TRIM51: variants seen among roughly 807,000 people sequenced by gnomAD.
TRIM51 encodes the protein tripartite motif-containing protein 51.
TRIM51 carries 23 observed loss-of-function variants against 32.7 expected under a neutral mutation model. The ratio of observed to expected loss-of-function variants is 0.70; its 90% CI spans 0.51 to 1.00. The LOEUF (loss-of-function observed/expected upper bound fraction) is 1.00, where lower values mean the gene tolerates loss of function less well. Ranked by LOEUF, TRIM51 falls within the 50% of genes least tolerant of loss-of-function variation. TRIM51 has a pLI of 0.00. For synonymous variants in TRIM51, 177 were observed against 181.9 expected, an observed-to-expected ratio of 0.97 and a Z score of 0.22; for missense variants, 592 against 539.2, an observed-to-expected ratio of 1.10 and a Z score of -0.97.
At chr11:55,890,084 T>A (rs779926359) in intron 6 of TRIM51, 45 bp downstream of exon 6, 2 of 1,370,356 alleles carry the variant, frequency 1.5e-6, no homozygotes, top group Non-Finnish European at 2.1e-6. Context: ...CTATTACTTC[T>A]TGTTAGAATC....
intron 1 of TRIM51, among the ~76,000 whole-genome samples, chr11:55,883,866 AC>A (rs927585005): frequency 6.6e-6 from 1 of 152,052 alleles, no homozygotes; most frequent in African/African-American, 2.4e-5. Context: ...AAATCAAAAC[AC>A]GATTGTTTAG....
rs377428284 is a variant in TRIM51 at position 55,891,737 on chromosome 11, T to A, written c.*105T>A. ...AACAGAACAAATAAGTTATATTTAA[T>A]GTCTTTAGTTGCATTCTAATGTCAT... On this transcript the variant is annotated 3_prime_UTR_variant, in exon 7 of 7. Transcript: ENST00000449290. 22 of 1,267,756 alleles carry A rather than the reference T, an allele frequency of 1.7e-5. No homozygotes were observed. The highest frequency in any genetic ancestry group is 2.2e-5 in the Non-Finnish European group (20 of 911,072). The allele number at this position is 1,267,756 out of a possible 1,614,324, so 78.5% of individuals were successfully genotyped here.
intron 3 of TRIM51, 80 bp from the exon 4 acceptor site, chr11:55,887,952 G>T (rs1218594621): frequency 6.7e-6 from 7 of 1,039,926 alleles, no homozygotes; most frequent in South Asian, 1.3e-5. Context: ...AATATTGGGT[G>T]TTTAGAATGC....
Position 55,886,207 on chromosome 11 carries a change from A to G in TRIM51, c.496A>G (p.Arg166Gly). 1 of 1,613,422 alleles carries G rather than the reference A, an allele frequency of 6.2e-7. No homozygotes were observed. Among genetic ancestry groups the G allele is most frequent in the Non-Finnish European group, 8.5e-7 (1 of 1,179,454 alleles). The stretch of plus-strand genomic sequence containing the variant: ...TCTGAACATGGAAACCACAAGAACC[A>G]GATGCTGGAAGGTTAGTACCGTATG... ...RNLNMETTRT[R>G]CWKDYVSLRI... is the part of the protein sequence containing the mutation. The change falls in exon 3 of 7, where the codon AGA (arginine) becomes GGA (glycine). Residue 166 changes from arginine to glycine, a missense_variant. Physicochemically the swap from Arg to Gly is moderately radical, Grantham distance 125. Transcript: ENST00000449290.
chr11:55,886,090 T>C, intron 2 of TRIM51, 33 bp from the exon 3 acceptor site: 1 of 1,589,524 alleles, frequency 6.3e-7, no homozygotes, highest in Non-Finnish European at 8.6e-7. Flanking sequence ...TTTATTGTCC[T>C]CACTTGTGCT....
chr11:55,885,139 GT>G (rs1239694838), intron 1 of TRIM51, among the ~76,000 whole-genome samples: 9 of 152,064 alleles, frequency 5.9e-5, no homozygotes, highest in Non-Finnish European at 7.4e-5. Flanking sequence ...TAAAACCCGA[GT>G]TTCATGTCGA....
At chr11:55,883,636 T>A (rs946080354) in intron 1 of TRIM51, among the ~76,000 whole-genome samples, 3 of 152,172 alleles carry the variant, frequency 2.0e-5, no homozygotes, top group African/African-American at 7.2e-5. Flanking sequence ...GTATGCATCA[T>A]GGGTATATGG....
chr11:55,890,154 A>G (rs1321021069), intron 6 of TRIM51, 115 bp downstream of exon 6: 4 of 684,522 alleles, frequency 5.8e-6, no homozygotes, highest in Non-Finnish European at 1.0e-5. Context: ...GAAGTGAACC[A>G]TATGACTATG....
Position 55,885,383 on chromosome 11 carries a change from C to A in TRIM51, c.-4-42C>A, listed in dbSNP as rs529363729. On this transcript the variant is annotated intron_variant, in intron 1 of 6. Transcript: ENST00000449290. Reference sequence around the variant, plus strand: ...TCACCACATGTTCACGGATTTTCACCAACCCAGACCCCAAAATGACATGCT... The same window carrying A: ...TCACCACATGTTCACGGATTTTCACAAACCCAGACCCCAAAATGACATGCT... The A allele has an allele frequency of 1.6e-5, 25 of 1,609,128 alleles. No homozygotes were observed. The Admixed American group carries it at 2.3e-4, about 15-fold the overall frequency.
At chr11:55,887,246 G>A (rs1431334650) in intron 3 of TRIM51, among the ~76,000 whole-genome samples, 1 of 151,568 alleles carries the variant, frequency 6.6e-6, no homozygotes, top group African/African-American at 2.4e-5. Flanking sequence ...ATATCCTCCT[G>A]TTTGCCTTCC....
In TRIM51 at chr11:55,891,150, C is replaced by G; in HGVS notation, c.877C>G (p.Pro293Ala). The change falls in exon 7 of 7, where the codon CCT (proline) becomes GCT (alanine). Residue 293 changes from proline to alanine, a missense_variant. Physicochemically the swap from Pro to Ala is conservative, Grantham distance 27 (BLOSUM62 -1). Coordinates refer to ENST00000449290, the MANE Select transcript of TRIM51 (RefSeq NM_032681.4). ...SGFRVDFTLQPERANSHIFLC... is the reference protein window; with the variant it reads ...SGFRVDFTLQAERANSHIFLC... The stretch of plus-strand genomic sequence containing the variant: ...TTTTGCAGTTGATTTTACTCTGCAG[C>G]CTGAAAGAGCCAATAGTCATATCTT... 2 of 1,600,066 alleles carry G rather than the reference C, an allele frequency of 1.2e-6. No individual in the cohort carries two copies. The highest frequency in any genetic ancestry group is 1.7e-6 in the Non-Finnish European group (2 of 1,179,304).
In TRIM51 at chr11:55,885,460, G is replaced by C. The variant is rs1287627848; in HGVS notation, c.32G>C (p.Arg11Thr). 1.2e-6 allele frequency: 2 copies of C among 1,611,842 alleles called. No individual in the cohort carries two copies. Among genetic ancestry groups the C allele is most frequent in the South Asian group, 2.2e-5 (2 of 90,992 alleles). The change falls in exon 2 of 7, where the codon AGG becomes ACG. Residue 11 changes from arginine to threonine, a missense_variant. Physicochemically the swap from Arg to Thr is moderately conservative, Grantham distance 71. Coordinates refer to ENST00000449290, the MANE Select transcript of TRIM51 (RefSeq NM_032681.4). MNSGILQVFQ[R>T]ALTCPICMNY... ...TCTGGAATCTTGCAAGTCTTCCAGA[G>C]GGCACTCACCTGTCCCATCTGCATG...
rs1214637992 is a variant in TRIM51, at chr11:55,885,912, T to C, written c.411+73T>C. On this transcript the variant is annotated intron_variant, in intron 2 of 6. Transcript: ENST00000449290. ...TCTTGTAAGTCTATTTCCTTCGAGATTGGATGATGCCATCTCTGTGTCCCC... is the reference window on the plus strand; with the variant it reads ...TCTTGTAAGTCTATTTCCTTCGAGACTGGATGATGCCATCTCTGTGTCCCC... 6 of 1,604,982 alleles carry C rather than the reference T, an allele frequency of 3.7e-6. No individual in the cohort carries two copies. The African/African-American group carries it at 5.4e-5, about 14-fold the overall frequency.
chr11:55,891,606 C>T lies in TRIM51; in HGVS notation c.1333C>T (p.Pro445Ser). ...PNCSFSPPLR[P>S]IFCCSHF is the part of the protein sequence containing the mutation. ...TTGCTCCTTCTCACCTCCTCTCAGG[C>T]CTATCTTTTGCTGTAGTCACTTCTG... The change falls in exon 7 of 7, where the codon CCT becomes TCT. Residue 445 changes from proline to serine, a missense_variant. Pro to Ser is a moderately conservative substitution (Grantham distance 74). Transcript: ENST00000449290. The T allele has an allele frequency of 1.2e-6, 2 of 1,613,356 alleles. No individual in the cohort carries two copies. The highest frequency in any genetic ancestry group is 2.2e-5 in the South Asian group (2 of 91,058).
In TRIM51 at chr11:55,887,592, T is replaced by C. The variant is rs1211804634; in HGVS notation, c.508-440T>C. Reference sequence around the variant, plus strand: ...ATAAATGAAACCTTATTAGAATATGTTATGCTGGGTGAAATGCATTGAGTT... The same window carrying C: ...ATAAATGAAACCTTATTAGAATATGCTATGCTGGGTGAAATGCATTGAGTT... On this transcript the variant is annotated intron_variant, in intron 3 of 6. Coordinates refer to ENST00000449290, the MANE Select transcript of TRIM51 (RefSeq NM_032681.4). Among the ~76,000 whole-genome samples the C allele has an allele frequency of 2.0e-5, 3 of 152,088 alleles. No homozygotes were observed. In the East Asian group the frequency reaches 5.8e-4, roughly 29 times the overall value.
rs910718795 is a variant in TRIM51 at position 55,888,337 on chromosome 11, G to A, written c.738+75G>A. 2.5e-5 allele frequency: 27 copies of A among 1,091,364 alleles called. No homozygotes were observed. The African/African-American group carries it at 2.6e-4, about 11-fold the overall frequency. The allele number at this position is 1,091,364 out of a possible 1,614,324, so 67.6% of individuals were successfully genotyped here. On this transcript the variant is annotated intron_variant, in intron 4 of 6. Coordinates refer to ENST00000449290, the MANE Select transcript of TRIM51 (RefSeq NM_032681.4). ...GTGTTTTTCCTCTCTCCTGAACTCC[G>A]TCTCCCCCTTCACTTCCATTATTTG...
In TRIM51 at chr11:55,891,754, T is replaced by C. The variant is rs1389576871; in HGVS notation, c.*122T>C. 5.3e-6 allele frequency: 6 copies of C among 1,124,310 alleles called. No individual in the cohort carries two copies. The highest frequency in any genetic ancestry group is 6.3e-6 in the Non-Finnish European group (5 of 787,436). The allele number at this position is 1,124,310 out of a possible 1,614,324, so 69.6% of individuals were successfully genotyped here. On this transcript the variant is annotated 3_prime_UTR_variant, in exon 7 of 7. Transcript: ENST00000449290. ...ATATTTAATGTCTTTAGTTGCATTC[T>C]AATGTCATCAAAACTCATTTATAGT...
chr11:55,890,381 A>G (rs897764507), intron 6 of TRIM51, among the ~76,000 whole-genome samples: 3 of 152,210 alleles, frequency 2.0e-5, no homozygotes, highest in Non-Finnish European at 2.9e-5. Context: ...TCTTTACTGT[A>G]TTTCATTTGA....
chr11:55,884,878 A>T (rs763075407), intron 1 of TRIM51, among the ~76,000 whole-genome samples: 1 of 151,958 alleles, frequency 6.6e-6, no homozygotes, highest in Non-Finnish European at 1.5e-5. Flanking sequence ...TTTATCTCCT[A>T]GTGATCCTAG....
Sources: gnomAD v4.1 joint callset for allele counts (sites outside exome capture counted in the v4.1 genomes callset) on GRCh38, gnomAD v4.1.1 for gene constraint, MANE v1.5 for transcripts, NCBI Gene and HGNC (gene_info 2026-07-23, HGNC 2026-07-21) for gene names.